OR51D1: variants seen among roughly 807,000 people sequenced by gnomAD.
OR51D1 encodes the protein olfactory receptor 51D1.
For synonymous variants in OR51D1, 187 were observed against 161.1 expected, an observed-to-expected ratio of 1.16 and a Z score of -1.22; for missense variants, 452 against 396.2, an observed-to-expected ratio of 1.14 and a Z score of -1.20.
rs755693316 is a variant in OR51D1 at position 4,640,502 on chromosome 11, G to C, written c.712G>C (p.Val238Leu). 1 of 1,613,838 alleles carries C rather than the reference G, an allele frequency of 6.2e-7. No homozygotes were observed. The highest frequency in any genetic ancestry group is 1.7e-5 in the Admixed American group (1 of 60,000). ...GFSYILILWA[V>L]LELSSRRAAL... ...CTCATATATCCTCATCCTGTGGGCTGTTTTGGAGCTGTCCTCTCGGAGGGC... is the reference window on the plus strand; with the variant it reads ...CTCATATATCCTCATCCTGTGGGCTCTTTTGGAGCTGTCCTCTCGGAGGGC... The change falls in exon 2 of 2, where the codon GTT (valine) becomes CTT (leucine). Residue 238 changes from valine to leucine, a missense_variant. Val to Leu is a conservative substitution (Grantham distance 32). Transcript: ENST00000641817.
intron 1 of OR51D1, 153 bp from the exon 2 acceptor site, chr11:4,639,624 T>A (rs1282545484): frequency 1.4e-6 from 1 of 712,056 alleles, no homozygotes; most frequent in East Asian, 2.6e-5. Context: ...ATAAGGAGAA[T>A]CAGAGCAGAG....
intron 1 of OR51D1, among the ~76,000 whole-genome samples, chr11:4,639,090 G>A (rs1846930865): frequency 6.6e-6 from 1 of 152,156 alleles, no homozygotes; most frequent in South Asian, 2.1e-4. Context: ...TGTACCTGGC[G>A]GGGCTTATTG....
chr11:4,640,213 C>G lies in OR51D1; in HGVS notation c.423C>G (p.His141Gln), dbSNP rs762039487. ...MAFDRFVAIC[H>Q]PLRHASVLTG... Reference sequence around the variant, plus strand: ...TTGACCGCTTTGTGGCCATTTGCCACCCATTGCGCCATGCTTCTGTGCTGA... The same window carrying G: ...TTGACCGCTTTGTGGCCATTTGCCAGCCATTGCGCCATGCTTCTGTGCTGA... The change falls in exon 2 of 2, where the codon CAC becomes CAG. Residue 141 changes from histidine (H) to glutamine (Q), a missense_variant. Coordinates refer to ENST00000641817, the MANE Select transcript of OR51D1 (RefSeq NM_001004751.3). 13 of 1,614,106 alleles carry G rather than the reference C, an allele frequency of 8.1e-6. No individual in the cohort carries two copies. Among genetic ancestry groups the G allele is most frequent in the South Asian group, 1.1e-5 (1 of 91,088 alleles).
chr11:4,637,917 C>G (rs1404503827), intron 1 of OR51D1, among the ~76,000 whole-genome samples, 164 bp downstream of exon 1: 2 of 152,100 alleles, frequency 1.3e-5, no homozygotes, highest in Non-Finnish European at 2.9e-5. Flanking sequence ...AGGGCCTTGT[C>G]TGCATACTGT....
At chr11:4,638,771 T>C (rs1846926337) in intron 1 of OR51D1, among the ~76,000 whole-genome samples, 1 of 142,740 alleles carries the variant, frequency 7.0e-6, no homozygotes, top group South Asian at 2.2e-4. Context: ...GAAAGGGGCT[T>C]ATCGTTTTTT....
At chr11:4,637,923 A>G (rs1173641442) in intron 1 of OR51D1, among the ~76,000 whole-genome samples, 170 bp downstream of exon 1, 1 of 152,132 alleles carries the variant, frequency 6.6e-6, no homozygotes, top group Non-Finnish European at 1.5e-5. Flanking sequence ...TTGTCTGCAT[A>G]CTGTGGAGTT....
chr11:4,638,443 T>C (rs1439178455), intron 1 of OR51D1, among the ~76,000 whole-genome samples: 1 of 151,476 alleles, frequency 6.6e-6, no homozygotes, highest in African/African-American at 2.4e-5. Flanking sequence ...TGGGACGTTG[T>C]GTGATCACCA....
At chr11:4,639,671 C>A in intron 1 of OR51D1, 106 bp from the exon 2 acceptor site, 1 of 1,017,052 alleles carries the variant, frequency 9.8e-7, no homozygotes, top group Non-Finnish European at 1.5e-6. Flanking sequence ...ATGACTTAGT[C>A]CTGTTTGTTA....
At chr11:4,639,623 A>G in intron 1 of OR51D1, 154 bp from the exon 2 acceptor site, 1 of 709,744 alleles carries the variant, frequency 1.4e-6, no homozygotes, top group Middle Eastern at 3.2e-4. Context: ...TATAAGGAGA[A>G]TCAGAGCAGA....
Position 4,640,930 on chromosome 11 carries a change from T to TGTTCAGTATGTCTG in OR51D1, c.*166_*167insTTCAGTATGTCTGG. 1 of 637,444 alleles carries TGTTCAGTATGTCTG rather than the reference T, an allele frequency of 1.6e-6. No homozygotes were observed. Among genetic ancestry groups the TGTTCAGTATGTCTG allele is most frequent in the Non-Finnish European group, 2.7e-6 (1 of 375,532 alleles). The allele number at this position is 637,444 out of a possible 1,614,324, so 39.5% of individuals were successfully genotyped here. ...CAGGAATGTGTCAGTACTGAACTTA[T>TGTTCAGTATGTCTG]GACCCTGTCTGGACATCCTGGAGAA... On this transcript the variant is annotated 3_prime_UTR_variant, in exon 2 of 2. Coordinates refer to ENST00000641817, the MANE Select transcript of OR51D1 (RefSeq NM_001004751.3).
Position 4,639,833 on chromosome 11 carries a change from A to G in OR51D1, c.43A>G (p.Asn15Asp), listed in dbSNP as rs1255046434. The G allele has an allele frequency of 1.2e-6, 2 of 1,613,998 alleles. No homozygotes were observed. ...CTTGGTCCCTATCATAGCCACTTCA[A>G]ATGGAAATCTGGTCCACGCAGCATA... Reference protein sequence around the residue: ...QLLVPIIATSNGNLVHAAYFL... With the variant: ...QLLVPIIATSDGNLVHAAYFL... The change falls in exon 2 of 2, where the codon AAT (asparagine) becomes GAT (aspartate). Residue 15 changes from asparagine (N) to aspartate (D), a missense_variant. By Grantham distance (23) the Asn-to-Asp change is conservative (BLOSUM62 1). Coordinates refer to ENST00000641817, the MANE Select transcript of OR51D1 (RefSeq NM_001004751.3).
intron 1 of OR51D1, among the ~76,000 whole-genome samples, chr11:4,638,532 T>A (rs902341562): frequency 2.0e-5 from 3 of 152,154 alleles, no homozygotes; most frequent in Admixed American, 1.3e-4. Flanking sequence ...TGATTTTCTG[T>A]TCATGTCTCA....
Position 4,640,039 on chromosome 11 carries a change from C to T in OR51D1, c.249C>T (p.Asp83=), listed in dbSNP as rs1212341975. ...YLFLAMLSTI[D]LVLSSITMPK... ...TCCTGGCCATGCTTTCCACTATTGA[C>T]CTAGTCCTCTCCTCTATCACCATGC... Residue 83 remains aspartate, a synonymous_variant, in exon 2 of 2, where the codon GAC becomes GAT. Transcript: ENST00000641817. The T allele has an allele frequency of 6.2e-7, 1 of 1,614,192 alleles. No individual in the cohort carries two copies. Among genetic ancestry groups the T allele is most frequent in the Non-Finnish European group, 8.5e-7 (1 of 1,180,030 alleles).
In OR51D1 at chr11:4,641,401, G is replaced by A. The variant is rs1044514231; in HGVS notation, c.*636G>A. ...GTGAATGTGTGGGTGTGTTTATGTG[G>A]ACACTTGCTTTTCAGTGTGCGTATA... On this transcript the variant is annotated 3_prime_UTR_variant, in exon 2 of 2. Coordinates refer to ENST00000641817, the MANE Select transcript of OR51D1 (RefSeq NM_001004751.3). The A allele has an allele frequency of 1.3e-5, 2 of 153,632 alleles. No homozygotes were observed. Among genetic ancestry groups the A allele is most frequent in the Non-Finnish European group, 2.9e-5 (2 of 68,732 alleles). 9.5% of individuals were successfully genotyped at this position (153,632 alleles called of 1,614,324 possible).
rs1846982210 is a variant in OR51D1, at chr11:4,642,610, C to G, written c.*1845C>G. The G allele has an allele frequency of 6.6e-6, 1 of 150,616 alleles. No individual in the cohort carries two copies. The allele number at this position is 150,616 out of a possible 1,614,324, so 9.3% of individuals were successfully genotyped here. The stretch of plus-strand genomic sequence containing the variant: ...TTGTAGGGAGTTTCTCCTAATCCCT[C>G]TGGGAAAGCAAGGGTGGAGGGGAAG... On this transcript the variant is annotated 3_prime_UTR_variant, in exon 2 of 2. Coordinates refer to ENST00000641817, the MANE Select transcript of OR51D1 (RefSeq NM_001004751.3).
Position 4,640,184 on chromosome 11 carries a change from G to A in OR51D1, c.394G>A (p.Ala132Thr), listed in dbSNP as rs892712201. The change falls in exon 2 of 2, where the codon GCT becomes ACT. Residue 132 changes from alanine to threonine, a missense_variant. Transcript: ENST00000641817. ...AVESAVLLAMAFDRFVAICHP... is the reference protein window; with the variant it reads ...AVESAVLLAMTFDRFVAICHP... ...GGAGTCAGCTGTCCTGCTGGCCATG[G>A]CTTTTGACCGCTTTGTGGCCATTTG... 2 of 1,614,204 alleles carry A rather than the reference G, an allele frequency of 1.2e-6. No homozygotes were observed. Among genetic ancestry groups the A allele is most frequent in the Admixed American group, 3.3e-5 (2 of 60,026 alleles).
intron 1 of OR51D1, among the ~76,000 whole-genome samples, chr11:4,639,421 C>G (rs1036062236): frequency 6.6e-6 from 1 of 152,216 alleles, no homozygotes; most frequent in African/African-American, 2.4e-5. Context: ...TCCTGCAAGT[C>G]TACTCTGATG....
Position 4,642,584 on chromosome 11 carries a change from G to A in OR51D1, c.*1819G>A, listed in dbSNP as rs1055949763. On this transcript the variant is annotated 3_prime_UTR_variant, in exon 2 of 2. Coordinates refer to ENST00000641817, the MANE Select transcript of OR51D1 (RefSeq NM_001004751.3). ...AAAAAAAAAAAAAAAAAAAGCCTTG[G>A]TTGTAGGGAGTTTCTCCTAATCCCT... 1.4e-5 allele frequency: 2 copies of A among 143,568 alleles called. No homozygotes were observed. Among genetic ancestry groups the A allele is most frequent in the Admixed American group, 7.1e-5 (1 of 14,024 alleles). 8.9% of individuals were successfully genotyped at this position (143,568 alleles called of 1,614,324 possible). A position where few individuals can be genotyped will look rare whatever the true frequency, so the allele number is the denominator to read the frequency against.
Position 4,639,912 on chromosome 11 carries a change from C to T in OR51D1, c.122C>T (p.Ala41Val), listed in dbSNP as rs150390504. The T allele has an allele frequency of 1.2e-6, 2 of 1,614,218 alleles. No homozygotes were observed. Among genetic ancestry groups the T allele is most frequent in the African/African-American group, 1.3e-5 (1 of 75,066 alleles). The change falls in exon 2 of 2, where the codon GCT becomes GTT. Residue 41 changes from alanine to valine, a missense_variant. Ala to Val is a moderately conservative substitution (Grantham distance 64, BLOSUM62 0). Transcript: ENST00000641817. ...GLGPTIHFWL[A>V]FPLCFMYALA... ...GGGCCTACCATACACTTTTGGCTGG[C>T]TTTCCCACTGTGTTTTATGTATGCC... is the stretch of plus-strand genomic sequence containing the variant.
Sources: gnomAD v4.1 joint callset for allele counts (sites outside exome capture counted in the v4.1 genomes callset) on GRCh38, gnomAD v4.1.1 for gene constraint, MANE v1.5 for transcripts, NCBI Gene and HGNC (gene_info 2026-07-23, HGNC 2026-07-21) for gene names.